METTL21C: variants seen among roughly 807,000 people sequenced by gnomAD.
The protein encoded by METTL21C is protein-lysine methyltransferase METTL21C.
A neutral mutation model predicts 25.9 loss-of-function variants in METTL21C; 21 were observed. The observed-to-expected ratio is 0.81, with a 90% confidence interval of 0.58 to 1.17. The LOEUF is 1.17. Among genes scored for constraint, METTL21C ranks in the 50% most tolerant of loss-of-function variants. The pLI, the probability that METTL21C is intolerant of heterozygous loss-of-function variation, is 0.00. For synonymous variants in METTL21C, 125 were observed against 124.7 expected (o/e 1.00, Z -0.01); for missense variants, 312 against 315.1 (o/e 0.99, Z 0.07).
chr13:102,702,176 T>C, the METTL21C span, among the ~76,000 whole-genome samples: 1 of 144,770 alleles, frequency 6.9e-6, no homozygotes, highest in South Asian at 2.2e-4. Context: ...AAAAAAAAAG[T>C]GTGTGTGTAT....
the METTL21C span, among the ~76,000 whole-genome samples, chr13:102,703,537 T>C: frequency 6.6e-6 from 1 of 152,150 alleles, no homozygotes; most frequent in Non-Finnish European, 1.5e-5. Flanking sequence ...ACTGGGAAAA[T>C]CTTGCAAAAT....
intron 2 of METTL21C, among the ~76,000 whole-genome samples, 153 bp downstream of exon 2, chr13:102,690,660 G>A (rs1239185724): frequency 6.6e-6 from 1 of 151,450 alleles, no homozygotes; most frequent in East Asian, 1.9e-4. Context: ...CTGATCCCAA[G>A]CACTCCACCA....
Position 102,694,463 on chromosome 13 carries a change from C to T in METTL21C, c.36G>A (p.Gly12=). 1 of 1,457,676 alleles carries T rather than the reference C, an allele frequency of 6.9e-7. No homozygotes were observed. Among genetic ancestry groups the T allele is most frequent in the South Asian group, 1.2e-5 (1 of 86,112 alleles). The allele number at this position is 1,457,676 out of a possible 1,614,324, so 90.3% of individuals were successfully genotyped here. ...GGGAGCTGAGTCCTTCCCCCCGGCG[C>T]CCAGGCTGCTGCGCGGAGCTCAGAC... is the stretch of plus-strand genomic sequence containing the variant. ...DVCLSSAQQP[G]RRGEGLSSPG... is the part of the protein sequence containing the mutation. The change falls in exon 1 of 4, where the codon GGG becomes GGA. Residue 12 remains glycine, a synonymous_variant. Transcript: ENST00000267273.
At chr13:102,695,732 G>T (rs570076122), upstream of METTL21C, among the ~76,000 whole-genome samples, 4 of 152,160 alleles carry the variant, frequency 2.6e-5, no homozygotes, top group Non-Finnish European at 5.9e-5. Context: ...GCCGGCATTT[G>T]TTCCAGCTCT....
chr13:102,688,936 C>T (rs931280374), intron 2 of METTL21C, among the ~76,000 whole-genome samples: 3 of 152,282 alleles, frequency 2.0e-5, no homozygotes, highest in South Asian at 4.1e-4. Context: ...CCTGAAGTCG[C>T]ACAGGAAAAG....
intron 1 of METTL21C, among the ~76,000 whole-genome samples, chr13:102,691,220 G>A (rs570174821): frequency 6.6e-6 from 1 of 152,252 alleles, no homozygotes; most frequent in Non-Finnish European, 1.5e-5. Context: ...CTTTATTTAG[G>A]GGAGGACAGA....
the METTL21C span, among the ~76,000 whole-genome samples, chr13:102,703,800 C>T: frequency 6.6e-6 from 1 of 152,168 alleles, no homozygotes; most frequent in African/African-American, 2.4e-5. Context: ...GCAGACATAA[C>T]CCAGGCAACT....
At chr13:102,700,462 T>C in the METTL21C span, among the ~76,000 whole-genome samples, 1 of 152,214 alleles carries the variant, frequency 6.6e-6, no homozygotes, top group Non-Finnish European at 1.5e-5. Flanking sequence ...TGCAACTATG[T>C]GTAAATCACA....
At position 102,685,950 on chromosome 13, in the gene METTL21C, TGAAA is replaced by T; in HGVS notation, c.*77_*80del. 1.4e-6 allele frequency: 2 copies of T among 1,412,214 alleles called. No individual in the cohort carries two copies. Among genetic ancestry groups the T allele is most frequent in the Middle Eastern group, 2.5e-4 (1 of 4,076 alleles). 87.5% of individuals were successfully genotyped at this position (1,412,214 alleles called of 1,614,324 possible). ...TCTATGCACTACCTTCTCAATCCTG[TGAAA>T]GAAGTCTATTACCAAAGCAATTTCT... On this transcript the variant is annotated 3_prime_UTR_variant, in exon 4 of 4. Transcript: ENST00000267273.
Position 102,694,865 on chromosome 13 carries a change from CTCTCTCTT to C in METTL21C, c.-375_-368del, listed in dbSNP as rs1317607128. 2.2e-4 allele frequency among the ~76,000 whole-genome samples: 28 copies of C among 125,080 alleles called. No homozygotes were observed. The highest frequency in any genetic ancestry group is 9.9e-4 in the African/African-American group (26 of 26,344). The allele number at this position is 125,080 out of a possible 152,430, so 82.1% of individuals were successfully genotyped here. A position where few individuals can be genotyped will look rare whatever the true frequency, so the allele number is the denominator to read the frequency against. On this transcript the variant is annotated 5_prime_UTR_variant, in exon 1 of 4. Coordinates refer to ENST00000267273, the MANE Select transcript of METTL21C (RefSeq NM_001010977.3). ...ATAGACACATTACTTTGCTAGAATTCTCTCTCTTTCTCTCTCTCTCTCTCTCTCTCTCT... is the reference window on the plus strand; with the variant it reads ...ATAGACACATTACTTTGCTAGAATTCTCTCTCTCTCTCTCTCTCTCTCTCT...
intron 1 of METTL21C, among the ~76,000 whole-genome samples, chr13:102,691,639 C>T (rs913493287): frequency 2.6e-5 from 4 of 152,218 alleles, no homozygotes; most frequent in Admixed American, 1.3e-4. Flanking sequence ...TGAGCCACCA[C>T]GCCCCGCCAG....
At position 102,685,864 on chromosome 13, in the gene METTL21C, A is replaced by C. The variant is rs1595241018; in HGVS notation, c.*167T>G. On this transcript the variant is annotated 3_prime_UTR_variant, in exon 4 of 4. Coordinates refer to ENST00000267273, the MANE Select transcript of METTL21C (RefSeq NM_001010977.3). ...TAGATTAACCAGATAATCTTAAATTATCTTAGAAATTAGAAAGTTTCTGCA... is the reference window on the plus strand; with the variant it reads ...TAGATTAACCAGATAATCTTAAATTCTCTTAGAAATTAGAAAGTTTCTGCA... 2.0e-5 allele frequency: 12 copies of C among 585,704 alleles called. No homozygotes were observed. The East Asian group carries it at 3.6e-4, about 18-fold the overall frequency. 36.3% of individuals were successfully genotyped at this position (585,704 alleles called of 1,614,324 possible). A position where few individuals can be genotyped will look rare whatever the true frequency, so the allele number is the denominator to read the frequency against.
At chr13:102,704,198 G>T in the METTL21C span, among the ~76,000 whole-genome samples, 1 of 152,192 alleles carries the variant, frequency 6.6e-6, no homozygotes, top group Non-Finnish European at 1.5e-5. Context: ...TCTGGAGTCT[G>T]TGTTTCCCAG....
At chr13:102,689,995 C>T (rs1218402680) in intron 2 of METTL21C, among the ~76,000 whole-genome samples, 1 of 152,192 alleles carries the variant, frequency 6.6e-6, no homozygotes, top group African/African-American at 2.4e-5. Context: ...GAAATGGCAG[C>T]TTTTCTGACT....
At position 102,694,478 on chromosome 13, in the gene METTL21C, G is replaced by A. The variant is rs559397528; in HGVS notation, c.21C>T (p.Ser7=). The A allele has an allele frequency of 9.2e-5, 134 of 1,450,648 alleles. 1 individual carries two copies. The South Asian group carries it at 1.4e-3, about 15-fold the overall frequency. 89.9% of individuals were successfully genotyped at this position (1,450,648 alleles called of 1,614,324 possible). The change falls in exon 1 of 4, where the codon TCC becomes TCT. Residue 7 remains serine, a synonymous_variant. Transcript: ENST00000267273. The part of the protein sequence containing the change: MDVCLS[S]AQQPGRRGEG... ...CCCCCCGGCGCCCAGGCTGCTGCGC[G>A]GAGCTCAGACACACGTCCATAGCCG...
upstream of METTL21C, among the ~76,000 whole-genome samples, chr13:102,697,433 GA>G (rs1171947065): frequency 6.6e-6 from 1 of 152,142 alleles, no homozygotes; most frequent in African/African-American, 2.4e-5. Context: ...GCACAGCAAA[GA>G]ATTACCCAGC....
At chr13:102,693,838 A>G (rs764169016) in intron 1 of METTL21C, among the ~76,000 whole-genome samples, 10 of 152,354 alleles carry the variant, frequency 6.6e-5, no homozygotes, top group East Asian at 3.9e-4. Flanking sequence ...GAGTTGGGAT[A>G]CATTTTTTAC....
In METTL21C at chr13:102,690,466, T is replaced by C. The variant is rs1007904489; in HGVS notation, c.282+347A>G. ...AGAGAGATGAATGGCTGAGGGTCGATGGGCGTGGCTCGGAGATGCCCACTG... is the reference window on the plus strand; with the variant it reads ...AGAGAGATGAATGGCTGAGGGTCGACGGGCGTGGCTCGGAGATGCCCACTG... On this transcript the variant is annotated intron_variant, in intron 2 of 3. Coordinates refer to ENST00000267273, the MANE Select transcript of METTL21C (RefSeq NM_001010977.3). Among the ~76,000 whole-genome samples, 6 of 151,568 alleles carry C rather than the reference T, an allele frequency of 4.0e-5. No individual in the cohort carries two copies. The South Asian group carries it at 1.3e-3, about 32-fold the overall frequency.
intron 1 of METTL21C, among the ~76,000 whole-genome samples, chr13:102,691,723 C>G (rs1278704651): frequency 6.6e-6 from 1 of 152,232 alleles, no homozygotes; most frequent in Admixed American, 6.5e-5. Flanking sequence ...TTCAATCTTT[C>G]CTACAATTGC....
Sources: gnomAD v4.1 joint callset for allele counts (sites outside exome capture counted in the v4.1 genomes callset) on GRCh38, gnomAD v4.1.1 for gene constraint, MANE v1.5 for transcripts, NCBI Gene and HGNC (gene_info 2026-07-23, HGNC 2026-07-21) for gene names.